GAS7: variants seen among roughly 807,000 people sequenced by gnomAD.
GAS7 encodes growth arrest-specific protein 7.
In GAS7, 28 loss-of-function variants were observed where a neutral mutation model predicts 71.1. The ratio of observed to expected loss-of-function variants is 0.39; its 90% CI spans 0.29 to 0.54. The LOEUF is 0.54. GAS7 is among the 20% of genes least tolerant of loss of function. GAS7 has a pLI of 0.62. For missense variants in GAS7, 436 were observed against 627.8 expected (o/e 0.69, Z 3.27); for synonymous variants, 258 against 245.8 (o/e 1.05, Z -0.46).
intron 4 of GAS7, among the ~76,000 whole-genome samples, chr17:9,967,172 CTTTT>C (rs34002748): frequency 2.1e-5 from 3 of 146,130 alleles, no homozygotes; most frequent in Non-Finnish European, 4.5e-5. Context: ...TACTTTGTAG[CTTTT>C]TTTTTTTTTT....
intron 9 of GAS7, among the ~76,000 whole-genome samples, 158 bp downstream of exon 9, chr17:9,934,008 A>G (rs1177412562): frequency 6.6e-6 from 1 of 152,232 alleles, no homozygotes; most frequent in Non-Finnish European, 1.5e-5. Flanking sequence ...CACTGGGCAG[A>G]TATCTCTTCC....
intron 1 of GAS7, among the ~76,000 whole-genome samples, chr17:10,037,030 C>A (rs1295580112): frequency 6.6e-6 from 1 of 152,214 alleles, no homozygotes; most frequent in Non-Finnish European, 1.5e-5. Flanking sequence ...AACCCAAGGC[C>A]AGATAAAAAC....
chr17:9,917,344 G>A lies in GAS7; in HGVS notation c.1318-3C>T, dbSNP rs774267022. On this transcript the variant is annotated splice_polypyrimidine_tract_variant and splice_region_variant and intron_variant, in intron 13 of 13. Transcript: ENST00000432992. Reference sequence around the variant, plus strand: ...AGCTGATCCACGGGCTCGACTGTCTGCAAGAGACAGAGAAAATGCGACACT... The same window carrying A: ...AGCTGATCCACGGGCTCGACTGTCTACAAGAGACAGAGAAAATGCGACACT... The A allele has an allele frequency of 1.2e-6, 2 of 1,601,916 alleles. No homozygotes were observed. The highest frequency in any genetic ancestry group is 1.7e-5 in the Admixed American group (1 of 60,024).
intron 1 of GAS7, among the ~76,000 whole-genome samples, chr17:10,093,155 A>G (rs754863434): frequency 4.6e-5 from 7 of 152,154 alleles, no homozygotes; most frequent in Non-Finnish European, 8.8e-5. Context: ...TCTAGTCCCA[A>G]TGCTACACAA....
chr17:9,939,178 C>T (rs1019093333), intron 8 of GAS7, among the ~76,000 whole-genome samples: 8 of 152,212 alleles, frequency 5.3e-5, no homozygotes, highest in African/African-American at 1.9e-4. Context: ...TGCTGGGTCA[C>T]ATGGTAATTC....
chr17:9,978,974 C>T (rs2070309324), intron 3 of GAS7, among the ~76,000 whole-genome samples: 1 of 152,102 alleles, frequency 6.6e-6, no homozygotes. Context: ...CAGCAGCAGC[C>T]CTGGCCTCTA....
At chr17:10,016,365 A>G (rs1204159899) in intron 2 of GAS7, among the ~76,000 whole-genome samples, 1 of 148,646 alleles carries the variant, frequency 6.7e-6, no homozygotes, top group Non-Finnish European at 1.5e-5. Context: ...AGCCTGGGTG[A>G]AAGAGCGAGA....
chr17:10,171,226 C>T (rs76635492), intron 1 of GAS7, among the ~76,000 whole-genome samples: 2,260 of 152,250 alleles, frequency 0.015, 59 homozygotes, highest in African/African-American at 0.052. Context: ...GAATTTCCTC[C>T]GGGCAAGCTT....
In GAS7 at chr17:10,198,397, G is replaced by A. The variant is rs761757221; in HGVS notation, c.-7C>T. 1 of 1,570,856 alleles carries A rather than the reference G, an allele frequency of 6.4e-7. No homozygotes were observed. Among genetic ancestry groups the A allele is most frequent in the Non-Finnish European group, 8.6e-7 (1 of 1,167,796 alleles). On this transcript the variant is annotated 5_prime_UTR_variant, in exon 1 of 14. Transcript: ENST00000432992. ...GGCAGCGAGCGCCGGACATGGCCTT[G>A]GCGCCCGGGTTCACAGCGCAGCCTG...
chr17:10,183,378 T>C (rs1326466540), intron 1 of GAS7, among the ~76,000 whole-genome samples: 1 of 152,106 alleles, frequency 6.6e-6, no homozygotes, highest in African/African-American at 2.4e-5. Context: ...CCATCCGCCC[T>C]GTGTGCCCCA....
intron 9 of GAS7, among the ~76,000 whole-genome samples, chr17:9,932,138 G>A (rs2068230122): frequency 6.6e-6 from 1 of 151,972 alleles, no homozygotes; most frequent in Non-Finnish European, 1.5e-5. Flanking sequence ...GAGGACAGAG[G>A]GAAGAGCGAG....
intron 11 of GAS7, among the ~76,000 whole-genome samples, chr17:9,922,549 G>A (rs1263618985): frequency 6.6e-6 from 1 of 152,230 alleles, no homozygotes; most frequent in East Asian, 1.9e-4. Flanking sequence ...CACAGCGAGT[G>A]CTCAGAAGAG....
chr17:10,122,983 C>T (rs2073916751), intron 1 of GAS7, among the ~76,000 whole-genome samples: 1 of 152,158 alleles, frequency 6.6e-6, no homozygotes, highest in Non-Finnish European at 1.5e-5. Context: ...AGGTGCACAC[C>T]ACCACGCCTG....
At chr17:10,089,351 A>C (rs968754276) in intron 1 of GAS7, among the ~76,000 whole-genome samples, 1 of 152,128 alleles carries the variant, frequency 6.6e-6, no homozygotes, top group Non-Finnish European at 1.5e-5. Flanking sequence ...CAAGCCCGCA[A>C]ATCTGGCATG....
At chr17:10,055,364 C>T (rs556181687) in intron 1 of GAS7, among the ~76,000 whole-genome samples, 3 of 152,208 alleles carry the variant, frequency 2.0e-5, no homozygotes, top group Admixed American at 6.5e-5. Flanking sequence ...GGGAAGAATG[C>T]ACGGTGATGT....
chr17:10,082,444 A>T (rs2073467956), intron 1 of GAS7, among the ~76,000 whole-genome samples: 1 of 152,230 alleles, frequency 6.6e-6, no homozygotes, highest in Admixed American at 6.5e-5. Flanking sequence ...ATACAAGATA[A>T]AAGCACCATG....
At chr17:9,958,317 C>G (rs1388585331) in intron 5 of GAS7, among the ~76,000 whole-genome samples, 1 of 152,206 alleles carries the variant, frequency 6.6e-6, no homozygotes, top group Non-Finnish European at 1.5e-5. Flanking sequence ...ATAATAAGTG[C>G]ACACAAAAGT....
Position 10,047,892 on chromosome 17 carries a change from T to C in GAS7, c.184-27995A>G, listed in dbSNP as rs79463690. 5.9e-3 allele frequency among the ~76,000 whole-genome samples: 901 copies of C among 152,340 alleles called. 26 individuals are homozygous for C. In the East Asian group the frequency reaches 0.1, roughly 17 times the overall value. ...GGAAATCAAGAGTCTATGTAACATA[T>C]ATGTTTAAAAATATTCCATTATTAA... On this transcript the variant is annotated intron_variant, in intron 1 of 13. Coordinates refer to ENST00000432992, the MANE Select transcript of GAS7 (RefSeq NM_201433.2).
At chr17:10,079,902 G>A (rs541887718) in intron 1 of GAS7, among the ~76,000 whole-genome samples, 1 of 152,318 alleles carries the variant, frequency 6.6e-6, no homozygotes, top group African/African-American at 2.4e-5. Flanking sequence ...AGTGAGCTAT[G>A]AGTAAATATA....
Sources: allele counts gnomAD v4.1 joint callset (sites outside exome capture counted in the v4.1 genomes callset), GRCh38; gene constraint gnomAD v4.1.1; transcripts MANE v1.5; gene names NCBI Gene and HGNC (gene_info 2026-07-23, HGNC 2026-07-21).